TMTC3: variants seen among roughly 807,000 people sequenced by gnomAD.
TMTC3 encodes the protein protein O-mannosyl-transferase TMTC3.
In TMTC3, 52 loss-of-function variants were observed where a neutral mutation model predicts 92.2. The ratio of observed to expected loss-of-function variants is 0.56; its 90% CI spans 0.45 to 0.71. TMTC3 has a LOEUF of 0.71. Among genes scored for constraint, TMTC3 ranks in the 30% least tolerant of loss-of-function variants. The probability of loss-of-function intolerance (pLI) is 0.00; values close to 1 mark genes in which losing one functional copy is unlikely to be tolerated. For synonymous variants in TMTC3, 339 were observed against 363.3 expected (o/e 0.93, Z 0.76); for missense variants, 896 against 1,057.1 (o/e 0.85, Z 2.11).
At chr12:88,160,302 T>C (rs1384113205) in intron 5 of TMTC3, 73 bp downstream of exon 5, 26 of 840,616 alleles carry the variant, frequency 3.1e-5, no homozygotes, top group Non-Finnish European at 3.9e-5. Flanking sequence ...TTTTATTTAT[T>C]TTTATTTTCT....
intron 1 of TMTC3, among the ~76,000 whole-genome samples, chr12:88,146,149 C>T (rs2040870725): frequency 6.6e-6 from 1 of 152,108 alleles, no homozygotes; most frequent in Non-Finnish European, 1.5e-5. Context: ...TTCCCTGCAA[C>T]CTCTACTTTG....
intron 11 of TMTC3, among the ~76,000 whole-genome samples, chr12:88,189,991 ATAT>A (rs1310752244): frequency 6.6e-6 from 1 of 152,062 alleles, no homozygotes; most frequent in Non-Finnish European, 1.5e-5. Flanking sequence ...ATTACTATAA[ATAT>A]TATTACAATT....
Position 88,191,461 on chromosome 12 carries a change from A to T in TMTC3, c.1706+839A>T, listed in dbSNP as rs188742490. 4.6e-5 allele frequency among the ~76,000 whole-genome samples: 7 copies of T among 152,316 alleles called. No individual in the cohort carries two copies. In the East Asian group the frequency reaches 1.3e-3, roughly 29 times the overall value. On this transcript the variant is annotated intron_variant, in intron 12 of 13. Coordinates refer to ENST00000266712, the MANE Select transcript of TMTC3 (RefSeq NM_181783.4). ...TTCCTTTTATTTCTGTGCTGATACT[A>T]TAGGAAAGAGTAGTATTATAAGAAC...
At position 88,174,504 on chromosome 12, in the gene TMTC3, A is replaced by T. The variant is rs1592739491; in HGVS notation, c.1200-103A>T. 1.0e-5 allele frequency: 13 copies of T among 1,299,740 alleles called. No individual in the cohort carries two copies. In the East Asian group the frequency reaches 3.2e-4, roughly 32 times the overall value. 80.5% of individuals were successfully genotyped at this position (1,299,740 alleles called of 1,614,324 possible). On this transcript the variant is annotated intron_variant, in intron 8 of 13. Coordinates refer to ENST00000266712, the MANE Select transcript of TMTC3 (RefSeq NM_181783.4). The stretch of plus-strand genomic sequence containing the variant: ...GAATTAGAATAAATTAACATATGAT[A>T]TTTTAGGAGCATTTAAGATACTTCT...
At chr12:88,149,171 G>A (rs1452376643) in intron 2 of TMTC3, among the ~76,000 whole-genome samples, 1 of 151,878 alleles carries the variant, frequency 6.6e-6, no homozygotes, top group African/African-American at 2.4e-5. Flanking sequence ...AGTTATTTAG[G>A]TTATATATCG....
At position 88,199,239 on chromosome 12, in the gene TMTC3, T is replaced by C. The variant is rs1174554689; in HGVS notation, c.*3590T>C. The C allele has an allele frequency of 1.3e-5, 2 of 152,016 alleles. No homozygotes were observed. Among genetic ancestry groups the C allele is most frequent in the Non-Finnish European group, 2.9e-5 (2 of 67,952 alleles). 9.4% of individuals were successfully genotyped at this position (152,016 alleles called of 1,614,324 possible). A position where few individuals can be genotyped will look rare whatever the true frequency, so the allele number is the denominator to read the frequency against. On this transcript the variant is annotated 3_prime_UTR_variant, in exon 14 of 14. Transcript: ENST00000266712. Reference sequence around the variant, plus strand: ...GACTTGGAATTTTATACGAATTTCATTTCTATATGTGCCTGGTATTGCCTC... The same window carrying C: ...GACTTGGAATTTTATACGAATTTCACTTCTATATGTGCCTGGTATTGCCTC...
chr12:88,161,329 T>A (rs2138383893), intron 6 of TMTC3, among the ~76,000 whole-genome samples: 1 of 152,334 alleles, frequency 6.6e-6, no homozygotes, highest in South Asian at 2.1e-4. Flanking sequence ...ATGAGCTTCA[T>A]CCCTAGTAAT....
intron 6 of TMTC3, among the ~76,000 whole-genome samples, chr12:88,161,281 A>G (rs546615605): frequency 1.3e-4 from 20 of 152,268 alleles, no homozygotes; most frequent in African/African-American, 4.8e-4. Flanking sequence ...TAGGATTGTC[A>G]AGTCATCTTG....
Position 88,196,027 on chromosome 12 carries a change from A to T in TMTC3, c.*378A>T, listed in dbSNP as rs900010376. 1 of 157,164 alleles carries T rather than the reference A, an allele frequency of 6.4e-6. No individual in the cohort carries two copies. The highest frequency in any genetic ancestry group is 1.4e-5 in the Non-Finnish European group (1 of 71,450). 9.7% of individuals were successfully genotyped at this position (157,164 alleles called of 1,614,324 possible). On this transcript the variant is annotated 3_prime_UTR_variant, in exon 14 of 14. Coordinates refer to ENST00000266712, the MANE Select transcript of TMTC3 (RefSeq NM_181783.4). Reference sequence around the variant, plus strand: ...GTGCTGGTTTATTCTGTTAATTCCCATTTATTTGCCTACTTCATTTTTCTT... The same window carrying T: ...GTGCTGGTTTATTCTGTTAATTCCCTTTTATTTGCCTACTTCATTTTTCTT...
chr12:88,145,010 T>G (rs1291202653), intron 1 of TMTC3, among the ~76,000 whole-genome samples: 1 of 152,208 alleles, frequency 6.6e-6, no homozygotes, highest in African/African-American at 2.4e-5. Flanking sequence ...TAGGCTTTTG[T>G]GAACAGTTTT....
At position 88,197,612 on chromosome 12, in the gene TMTC3, TTATA is replaced by T. The variant is rs1343108494; in HGVS notation, c.*1966_*1969del. On this transcript the variant is annotated 3_prime_UTR_variant, in exon 14 of 14. Transcript: ENST00000266712. The stretch of plus-strand genomic sequence containing the variant: ...AAGTTTGAGTAATATTTTAATAAAT[TTATA>T]TAATTCAAATGATAAAAATGTATCA... 1.3e-5 allele frequency: 2 copies of T among 151,924 alleles called. No individual in the cohort carries two copies. The highest frequency in any genetic ancestry group is 2.4e-5 in the African/African-American group (1 of 41,412). The allele number at this position is 151,924 out of a possible 1,614,324, so 9.4% of individuals were successfully genotyped here.
Position 88,151,232 on chromosome 12 carries a change from G to A in TMTC3, c.190-2059G>A, listed in dbSNP as rs139131417. Among the ~76,000 whole-genome samples the A allele has an allele frequency of 3.4e-3, 524 of 152,166 alleles. 25 individuals are homozygous for A. In the East Asian group the frequency reaches 0.09, roughly 26 times the overall value. On this transcript the variant is annotated intron_variant, in intron 2 of 13. Coordinates refer to ENST00000266712, the MANE Select transcript of TMTC3 (RefSeq NM_181783.4). ...TGGTATAGCCGTGGCTGAGAGCGAG[G>A]GGGCTGTAATGAGCCACCTTCCTCT...
intron 2 of TMTC3, 25 bp downstream of exon 2, chr12:88,148,529 T>C (rs757747842): frequency 2.0e-6 from 3 of 1,477,394 alleles, no homozygotes; most frequent in African/African-American, 2.8e-5. Context: ...ACATATTACT[T>C]GTACATGTCT....
At chr12:88,165,648 A>T in intron 6 of TMTC3, among the ~76,000 whole-genome samples, 1 of 152,132 alleles carries the variant, frequency 6.6e-6, no homozygotes, top group East Asian at 1.9e-4. Context: ...AATGAAATGT[A>T]TATATGTTGT....
At chr12:88,143,583 A>G (rs2040820013) in intron 1 of TMTC3, among the ~76,000 whole-genome samples, 1 of 152,188 alleles carries the variant, frequency 6.6e-6, no homozygotes, top group African/African-American at 2.4e-5. Flanking sequence ...CTGGGAAACC[A>G]ATATTTGTGA....
chr12:88,190,726 A>G (rs2041433497), intron 12 of TMTC3, 104 bp downstream of exon 12: 1 of 1,276,644 alleles, frequency 7.8e-7, no homozygotes, highest in Non-Finnish European at 1.1e-6. Flanking sequence ...TATGTTTTTA[A>G]TAATCTTACT....
chr12:88,156,813 T>G (rs7309158), intron 4 of TMTC3, among the ~76,000 whole-genome samples: 6,352 of 144,680 alleles, frequency 0.044, 420 homozygotes, highest in African/African-American at 0.15. Context: ...GTGTGTGTGT[T>G]TTTTTTTTTT....
intron 10 of TMTC3, among the ~76,000 whole-genome samples, chr12:88,180,073 C>G (rs112500007): frequency 0.025 from 3,746 of 152,262 alleles, 140 homozygotes; most frequent in African/African-American, 0.083. Context: ...GACCGAACTC[C>G]TACATCTCAC....
At chr12:88,190,712 A>C in intron 12 of TMTC3, 90 bp downstream of exon 12, 1 of 1,403,552 alleles carries the variant, frequency 7.1e-7, no homozygotes, top group Middle Eastern at 1.8e-4. Flanking sequence ...TTTTGAAAAA[A>C]AATTATGTTT....
Sources: allele counts gnomAD v4.1 joint callset (sites outside exome capture counted in the v4.1 genomes callset), GRCh38; gene constraint gnomAD v4.1.1; transcripts MANE v1.5; gene names NCBI Gene and HGNC (gene_info 2026-07-23, HGNC 2026-07-21).